The following TMEM71 variants were observed in gnomAD, a reference collection of about 807,000 sequenced individuals.
TMEM71 encodes transmembrane protein 71.
In TMEM71, 44 loss-of-function variants were observed where a neutral mutation model predicts 38.0. The ratio of observed to expected loss-of-function variants is 1.16; its 90% CI spans 0.91 to 1.49. The LOEUF is 1.49. Ranked by LOEUF, TMEM71 falls within the 40% of genes most tolerant of loss-of-function variation. The pLI, the probability that TMEM71 is intolerant of heterozygous loss-of-function variation, is 0.00. For synonymous variants in TMEM71, 133 were observed against 122.5 expected (o/e 1.09, Z -0.56); for missense variants, 367 against 348.6 (o/e 1.05, Z -0.42).
chr8:132,775,662 G>T, the TMEM71 span: 1 of 335,450 alleles, frequency 3.0e-6, no homozygotes, highest in Non-Finnish European at 5.4e-6. Context: ...GGCGGCGGCG[G>T]CTGAGCCGGC....
the TMEM71 span, among the ~76,000 whole-genome samples, chr8:132,766,551 G>A: frequency 6.6e-6 from 1 of 152,084 alleles, no homozygotes; most frequent in African/African-American, 2.4e-5. Context: ...TACAATCCCA[G>A]CATCTTGGGA....
At chr8:132,749,190 G>A (rs1048357451) in intron 4 of TMEM71, among the ~76,000 whole-genome samples, 1 of 152,178 alleles carries the variant, frequency 6.6e-6, no homozygotes, top group Non-Finnish European at 1.5e-5. Flanking sequence ...GCAATAGCCT[G>A]GCCTGGGGAA....
chr8:132,741,981 C>G (rs1828067603), intron 5 of TMEM71, among the ~76,000 whole-genome samples: 1 of 152,254 alleles, frequency 6.6e-6, no homozygotes, highest in Admixed American at 6.5e-5. Context: ...TTCCCAGACG[C>G]TGGCGTCACC....
At chr8:132,707,526 T>C (rs1342981612), downstream of TMEM71, among the ~76,000 whole-genome samples, 2 of 152,082 alleles carry the variant, frequency 1.3e-5, no homozygotes, top group African/African-American at 4.8e-5. Context: ...TGAGAATAGA[T>C]TAGTTATCTC....
intron 3 of TMEM71, among the ~76,000 whole-genome samples, chr8:132,753,638 T>G (rs1268405571): frequency 6.6e-6 from 1 of 152,158 alleles, no homozygotes; most frequent in Admixed American, 6.5e-5. Context: ...TGCAGCATAG[T>G]GGACAAGACA....
At chr8:132,722,202 T>C (rs1333044264) in intron 6 of TMEM71, 87 bp from the exon 7 acceptor site, 26 of 902,524 alleles carry the variant, frequency 2.9e-5, no homozygotes, top group Middle Eastern at 3.1e-4. Flanking sequence ...ACTTCCCTTG[T>C]ACCCACCAAA....
upstream of TMEM71, among the ~76,000 whole-genome samples, chr8:132,761,430 G>C (rs1829293414): frequency 6.6e-6 from 1 of 152,208 alleles, no homozygotes; most frequent in African/African-American, 2.4e-5. Flanking sequence ...GCACAGATGT[G>C]CAAGGTGTAT....
intron 2 of TMEM71, among the ~76,000 whole-genome samples, chr8:132,757,742 C>T (rs536891744): frequency 1.3e-5 from 2 of 149,464 alleles, no homozygotes; most frequent in East Asian, 4.0e-4. Context: ...AGGAGAATGG[C>T]GTGAACCTGG....
chr8:132,758,934 A>G lies in TMEM71; in HGVS notation c.-36-19T>C, dbSNP rs760663038. 6.6e-7 allele frequency: 1 copy of G among 1,514,664 alleles called. No individual in the cohort carries two copies. The highest frequency in any genetic ancestry group is 2.3e-5 in the East Asian group (1 of 44,362). 93.8% of individuals were successfully genotyped at this position (1,514,664 alleles called of 1,614,324 possible). A position where few individuals can be genotyped will look rare whatever the true frequency, so the allele number is the denominator to read the frequency against. On this transcript the variant is annotated intron_variant, in intron 1 of 9. Coordinates refer to ENST00000677595, the MANE Select transcript of TMEM71 (RefSeq NM_001382403.1). ...AGATTCTCTGCAAAAGATGTTAAAA[A>G]AAAGGTGGACTATATATTAAAAATA...
intron 4 of TMEM71, among the ~76,000 whole-genome samples, chr8:132,748,427 A>G (rs949172675): frequency 2.6e-5 from 4 of 152,248 alleles, no homozygotes; most frequent in African/African-American, 9.6e-5. Flanking sequence ...TACAATGCAC[A>G]GGGCAGTTGC....
chr8:132,708,579 G>A (rs1031688455), downstream of TMEM71, among the ~76,000 whole-genome samples: 8 of 152,136 alleles, frequency 5.3e-5, no homozygotes, highest in South Asian at 2.1e-4. Context: ...GTCCTGCACC[G>A]GCCTCTCATC....
At position 132,715,341 on chromosome 8, in the gene TMEM71, C is replaced by T. The variant is rs138352019; in HGVS notation, c.753-1126G>A. ...AGGAGAATGGCGTGAACCCGGGAGGCGGAGCTTGCAGTGAGCCGAGGTCAC... is the reference window on the plus strand; with the variant it reads ...AGGAGAATGGCGTGAACCCGGGAGGTGGAGCTTGCAGTGAGCCGAGGTCAC... On this transcript the variant is annotated intron_variant, in intron 7 of 9. Coordinates refer to ENST00000677595, the MANE Select transcript of TMEM71 (RefSeq NM_001382403.1). Among the ~76,000 whole-genome samples the T allele has an allele frequency of 2.7e-3, 358 of 133,214 alleles. 5 individuals are homozygous for T. In the East Asian group the frequency reaches 0.063, roughly 23 times the overall value. 87.4% of individuals were successfully genotyped at this position (133,214 alleles called of 152,430 possible).
chr8:132,751,633 C>T (rs1371067081), intron 4 of TMEM71, 152 bp downstream of exon 4: 5 of 686,162 alleles, frequency 7.3e-6, no homozygotes, highest in Non-Finnish European at 1.0e-5. Context: ...ATGGATTGAC[C>T]TGTTGACAGG....
At chr8:132,759,779 A>G (rs1236478482) in intron 1 of TMEM71, among the ~76,000 whole-genome samples, 1 of 152,206 alleles carries the variant, frequency 6.6e-6, no homozygotes, top group Non-Finnish European at 1.5e-5. Flanking sequence ...AAACCAGGCT[A>G]ATTCTACAGC....
Position 132,751,925 on chromosome 8 carries a change from G to C in TMEM71, c.174C>G (p.His58Gln), listed in dbSNP as rs368405244. Reference protein sequence around the residue: ...CGSIDPLTGSHYTCRRSPRLL... With the variant: ...CGSIDPLTGSQYTCRRSPRLL... ...GTCTGGGACTTCGGCGACAGGTATA[G>C]TGGGAGCCTGTCAGGGGATCTATGG... is the stretch of plus-strand genomic sequence containing the variant. The change falls in exon 4 of 10, where the codon CAC becomes CAG. Residue 58 changes from histidine (H) to glutamine (Q), a missense_variant. Physicochemically the swap from His to Gln is conservative, Grantham distance 24 (BLOSUM62 0). Coordinates refer to ENST00000677595, the MANE Select transcript of TMEM71 (RefSeq NM_001382403.1). 6.1e-5 allele frequency: 98 copies of C among 1,614,132 alleles called. No homozygotes were observed. In the South Asian group the frequency reaches 1.0e-3, roughly 17 times the overall value.
rs201486762 is a variant in TMEM71, at chr8:132,746,262, TTAA to T, written c.487+677_487+679del. Among the ~76,000 whole-genome samples the T allele has an allele frequency of 4.2e-3, 633 of 150,310 alleles. 8 individuals carry two copies. The highest frequency in any genetic ancestry group is 0.015 in the African/African-American group (609 of 40,854). ...ATGTATATACACATATTTACCTGTATTAATATTAATGTTATTACACAATATGTA... is the reference window on the plus strand; with the variant it reads ...ATGTATATACACATATTTACCTGTATTATTAATGTTATTACACAATATGTA... On this transcript the variant is annotated intron_variant, in intron 5 of 9. Coordinates refer to ENST00000677595, the MANE Select transcript of TMEM71 (RefSeq NM_001382403.1).
In TMEM71 at chr8:132,714,189, C is replaced by G. The variant is rs762454398; in HGVS notation, c.779G>C (p.Ser260Thr). The G allele has an allele frequency of 6.2e-7, 1 of 1,612,558 alleles. No homozygotes were observed. The highest frequency in any genetic ancestry group is 1.7e-5 in the Admixed American group (1 of 60,030). Residue 260 changes from serine to threonine, a missense_variant, in exon 8 of 10, where the codon AGT (serine) becomes ACT (threonine). Ser to Thr is a moderately conservative substitution (Grantham distance 58). Transcript: ENST00000677595. The stretch of plus-strand genomic sequence containing the variant: ...TATCATCAATGAGCATGTGAAGACA[C>G]TGGCTAATATTTCTCCCATAAACCA... ...ARWFMGEILA[S>T]VFTCSLMITV...
Position 132,758,896 on chromosome 8 carries a change from G to C in TMEM71, c.-17C>G, listed in dbSNP as rs1829178830. On this transcript the variant is annotated 5_prime_UTR_variant, in exon 2 of 10. Coordinates refer to ENST00000677595, the MANE Select transcript of TMEM71 (RefSeq NM_001382403.1). ...TCGGTACATCTTGGGAAGGCCGCTT[G>C]CTCAAACTTCACAGATTCTCTGCAA... 1 of 1,612,510 alleles carries C rather than the reference G, an allele frequency of 6.2e-7. No individual in the cohort carries two copies. The highest frequency in any genetic ancestry group is 8.5e-7 in the Non-Finnish European group (1 of 1,178,790).
At chr8:132,755,841 C>G (rs190710820) in intron 3 of TMEM71, among the ~76,000 whole-genome samples, 515 of 152,258 alleles carry the variant, frequency 3.4e-3, no homozygotes, top group Non-Finnish European at 5.1e-3. Flanking sequence ...CAAATCTCTA[C>G]AAGCTAAGTA....
Sources: allele counts gnomAD v4.1 joint callset (sites outside exome capture counted in the v4.1 genomes callset), GRCh38; gene constraint gnomAD v4.1.1; transcripts MANE v1.5; gene names NCBI Gene and HGNC (gene_info 2026-07-23, HGNC 2026-07-21).